Variants in SORCS3 observed in about 807,000 individuals in gnomAD.
The protein encoded by SORCS3 is VPS10 domain-containing receptor SorCS3.
In SORCS3, 57 loss-of-function variants were observed where a neutral mutation model predicts 146.3. That is an observed-to-expected ratio of 0.39 (90% CI 0.31 to 0.49). The LOEUF (loss-of-function observed/expected upper bound fraction) is 0.49, where lower values mean the gene tolerates loss of function less well. Among genes scored for constraint, SORCS3 ranks in the 20% least tolerant of loss-of-function variants. SORCS3 has a pLI of 0.92. For synonymous variants in SORCS3, 653 were observed against 618.5 expected (o/e 1.06, Z -0.83); for missense variants, 1,341 against 1,575.5 (o/e 0.85, Z 2.52).
chr10:104,842,749 C>CTTT, intron 1 of SORCS3, 43 bp from the exon 2 acceptor site: 1 of 1,489,154 alleles, frequency 6.7e-7, no homozygotes, highest in Admixed American at 1.8e-5. Flanking sequence ...TTTTTTCCCT[C>CTTT]CCTTTGTTCC....
In SORCS3 at chr10:104,813,249, G is replaced by A. The variant is rs1251830911; in HGVS notation, c.628-29543G>A. 2.6e-5 allele frequency among the ~76,000 whole-genome samples: 4 copies of A among 152,254 alleles called. No homozygotes were observed. The East Asian group carries it at 5.8e-4, about 22-fold the overall frequency. Reference sequence around the variant, plus strand: ...CCTCAAGTGACCAGACAGTTCCCACGACCCGTTCATCATCTGCTAAGGGTG... The same window carrying A: ...CCTCAAGTGACCAGACAGTTCCCACAACCCGTTCATCATCTGCTAAGGGTG... On this transcript the variant is annotated intron_variant, in intron 1 of 26. Coordinates refer to ENST00000369701, the MANE Select transcript of SORCS3 (RefSeq NM_014978.3).
intron 6 of SORCS3, among the ~76,000 whole-genome samples, chr10:105,098,351 C>G (rs966542010): frequency 2.6e-5 from 4 of 152,116 alleles, no homozygotes; most frequent in Non-Finnish European, 4.4e-5. Flanking sequence ...ATCAAAAAGT[C>G]AGAACATATA....
At chr10:104,835,439 G>C (rs556007680) in intron 1 of SORCS3, among the ~76,000 whole-genome samples, 151 of 152,284 alleles carry the variant, frequency 9.9e-4, no homozygotes, top group African/African-American at 3.5e-3. Context: ...GATGTGCAGA[G>C]AGCCCCATGG....
intron 26 of SORCS3, 133 bp from the exon 27 acceptor site, chr10:105,263,177 C>A (rs1249718357): frequency 1.3e-5 from 9 of 715,872 alleles, no homozygotes; most frequent in Non-Finnish European, 2.1e-5. Flanking sequence ...GTAACGATAT[C>A]CGGGTGCCTT....
At chr10:104,984,857 G>A (rs564800450) in intron 4 of SORCS3, among the ~76,000 whole-genome samples, 24 of 152,140 alleles carry the variant, frequency 1.6e-4, no homozygotes, top group Admixed American at 4.6e-4. Flanking sequence ...ATTGCATTAC[G>A]TCTAAAAAAT....
At chr10:105,126,394 C>T (rs1276653395) in intron 7 of SORCS3, among the ~76,000 whole-genome samples, 2 of 152,104 alleles carry the variant, frequency 1.3e-5, no homozygotes, top group South Asian at 2.1e-4. Flanking sequence ...CTCTCTGACT[C>T]TCCATTTGTT....
At chr10:105,020,194 G>A (rs7077199) in intron 4 of SORCS3, among the ~76,000 whole-genome samples, 42,051 of 151,990 alleles carry the variant, frequency 0.28, 6,818 homozygotes, top group African/African-American at 0.43. Context: ...TCTGTTATTG[G>A]TATCCATAGG....
intron 2 of SORCS3, among the ~76,000 whole-genome samples, chr10:104,848,726 T>C (rs1429971640): frequency 2.6e-5 from 4 of 152,208 alleles, no homozygotes; most frequent in African/African-American, 9.6e-5. Context: ...AACTCCTGAA[T>C]GGGTCACAGA....
intron 1 of SORCS3, among the ~76,000 whole-genome samples, chr10:104,839,944 G>A (rs2133544727): frequency 6.6e-6 from 1 of 152,318 alleles, no homozygotes; most frequent in East Asian, 1.9e-4. Flanking sequence ...TCAGACTGTA[G>A]TGAGGTTCTG....
intron 1 of SORCS3, among the ~76,000 whole-genome samples, chr10:104,677,050 G>T (rs2015919751): frequency 6.6e-6 from 1 of 152,198 alleles, no homozygotes; most frequent in Admixed American, 6.5e-5. Context: ...TGGTGTCATT[G>T]TCAGCACTCT....
intron 1 of SORCS3, among the ~76,000 whole-genome samples, chr10:104,776,820 C>T (rs1184637987): frequency 6.7e-6 from 1 of 150,362 alleles, no homozygotes; most frequent in Non-Finnish European, 1.5e-5. Context: ...ATTATCTTCA[C>T]TAACGGTATC....
intron 1 of SORCS3, among the ~76,000 whole-genome samples, chr10:104,725,597 GC>G (rs2016617986): frequency 1.3e-5 from 2 of 152,220 alleles, no homozygotes; most frequent in African/African-American, 4.8e-5. Flanking sequence ...AGGCAGGCAG[GC>G]CTCCTTGAGC....
At chr10:104,979,010 G>A (rs546295699) in intron 4 of SORCS3, among the ~76,000 whole-genome samples, 2 of 152,070 alleles carry the variant, frequency 1.3e-5, no homozygotes, top group African/African-American at 4.8e-5. Flanking sequence ...CTTCTTTAAT[G>A]TAAGTCTCAT....
At chr10:105,145,127 T>C (rs1248635032) in intron 8 of SORCS3, among the ~76,000 whole-genome samples, 1 of 152,016 alleles carries the variant, frequency 6.6e-6, no homozygotes, top group African/African-American at 2.4e-5. Flanking sequence ...GTTAATGTTC[T>C]TAGCACAAGT....
chr10:104,968,509 A>G (rs534862357), intron 3 of SORCS3, among the ~76,000 whole-genome samples: 2 of 152,320 alleles, frequency 1.3e-5, no homozygotes, highest in Admixed American at 1.3e-4. Flanking sequence ...ACAATCTGCG[A>G]AACCATATTT....
At chr10:105,107,611 T>C (rs1044034084) in intron 7 of SORCS3, among the ~76,000 whole-genome samples, 4 of 152,300 alleles carry the variant, frequency 2.6e-5, no homozygotes, top group Admixed American at 1.3e-4. Flanking sequence ...TGAAAAGATA[T>C]GCGGTTTCAT....
chr10:104,924,304 C>T (rs1415579164), intron 3 of SORCS3, among the ~76,000 whole-genome samples: 1 of 152,182 alleles, frequency 6.6e-6, no homozygotes, highest in Non-Finnish European at 1.5e-5. Context: ...GTATTCTCTG[C>T]CAAGCCCATA....
intron 5 of SORCS3, among the ~76,000 whole-genome samples, chr10:105,051,749 G>A (rs1341247942): frequency 6.6e-6 from 1 of 152,082 alleles, no homozygotes; most frequent in Non-Finnish European, 1.5e-5. Context: ...CCTGATATAA[G>A]GGATCAGATT....
At chr10:105,079,799 A>C (rs763615220) in intron 5 of SORCS3, among the ~76,000 whole-genome samples, 1 of 152,176 alleles carries the variant, frequency 6.6e-6, no homozygotes, top group Non-Finnish European at 1.5e-5. Context: ...TAGAAGTGAG[A>C]ACATGTGGCA....
Sources: gnomAD v4.1 joint callset for allele counts (sites outside exome capture counted in the v4.1 genomes callset) on GRCh38, gnomAD v4.1.1 for gene constraint, MANE v1.5 for transcripts, NCBI Gene and HGNC (gene_info 2026-07-23, HGNC 2026-07-21) for gene names.